PBX1: variants seen among roughly 807,000 people sequenced by gnomAD.
The protein encoded by PBX1 is PBX homeobox 1.
A neutral mutation model predicts 53.4 loss-of-function variants in PBX1; 6 were observed. That is an observed-to-expected ratio of 0.11 (90% CI 0.06 to 0.22). The LOEUF (loss-of-function observed/expected upper bound fraction) is 0.22. Ranked by LOEUF, PBX1 falls within the 10% of genes least tolerant of loss-of-function variation. The probability of loss-of-function intolerance (pLI) is 1.00; values close to 1 mark genes in which losing one functional copy is unlikely to be tolerated. For synonymous variants in PBX1, 204 were observed against 212.3 expected (o/e 0.96, Z 0.34); for missense variants, 251 against 551.4 (o/e 0.46, Z 5.46).
intron 2 of PBX1, among the ~76,000 whole-genome samples, chr1:164,763,124 G>C (rs1403549325): frequency 1.3e-5 from 2 of 152,314 alleles, no homozygotes; most frequent in South Asian, 4.1e-4. Context: ...GAATGTATTA[G>C]GATTAGGTTC....
chr1:164,834,219 T>C (rs1266141848), intron 8 of PBX1, among the ~76,000 whole-genome samples: 1 of 152,124 alleles, frequency 6.6e-6, no homozygotes, highest in Non-Finnish European at 1.5e-5. Flanking sequence ...TTGAGACTTA[T>C]TATTACTCAG....
intron 2 of PBX1, among the ~76,000 whole-genome samples, chr1:164,757,601 C>A (rs1019955685): frequency 2.6e-5 from 4 of 152,288 alleles, no homozygotes; most frequent in African/African-American, 9.6e-5. Flanking sequence ...TTTAACATGT[C>A]TAGCCAATGA....
chr1:164,618,353 G>A (rs1208640263), intron 2 of PBX1, among the ~76,000 whole-genome samples: 1 of 151,102 alleles, frequency 6.6e-6, no homozygotes, highest in Non-Finnish European at 1.5e-5. Context: ...TCCCAGGCTG[G>A]GGTAAGGGTT....
chr1:164,793,501 A>T (rs983965292), intron 3 of PBX1, among the ~76,000 whole-genome samples: 1 of 152,156 alleles, frequency 6.6e-6, no homozygotes, highest in Non-Finnish European at 1.5e-5. Flanking sequence ...CATAAAACTT[A>T]TATAAAGGAA....
At chr1:164,804,077 A>C (rs1480345284) in intron 4 of PBX1, among the ~76,000 whole-genome samples, 1 of 152,158 alleles carries the variant, frequency 6.6e-6, no homozygotes, top group African/African-American at 2.4e-5. Context: ...AAATTTTATA[A>C]TGATTAGTGA....
rs115751844 is a variant in PBX1, at chr1:164,750,096, C to A, written c.266-42398C>A. 3.8e-3 allele frequency among the ~76,000 whole-genome samples: 565 copies of A among 147,548 alleles called. 4 individuals carry two copies. The highest frequency in any genetic ancestry group is 0.014 in the African/African-American group (526 of 38,730). On this transcript the variant is annotated intron_variant, in intron 2 of 8. Transcript: ENST00000420696. ...CGGGTGACAGAGTGAGATCCTAACTCCAAAAATCGGAAGAAAAAAAAAAAG... is the reference window on the plus strand; with the variant it reads ...CGGGTGACAGAGTGAGATCCTAACTACAAAAATCGGAAGAAAAAAAAAAAG...
chr1:164,636,188 G>C (rs1245185043), intron 2 of PBX1, among the ~76,000 whole-genome samples: 1 of 151,302 alleles, frequency 6.6e-6, no homozygotes, highest in Non-Finnish European at 1.5e-5. Context: ...CTCAGTTACA[G>C]TTAGATTTTA....
At chr1:164,661,432 T>G (rs1359184365) in intron 2 of PBX1, among the ~76,000 whole-genome samples, 3 of 150,932 alleles carry the variant, frequency 2.0e-5, no homozygotes, top group Non-Finnish European at 4.4e-5. Context: ...CAGTTTTTTT[T>G]TTTTTTTTTT....
At chr1:164,748,036 A>G (rs1011576591) in intron 2 of PBX1, among the ~76,000 whole-genome samples, 3 of 152,218 alleles carry the variant, frequency 2.0e-5, no homozygotes, top group Admixed American at 6.5e-5. Context: ...GATCAAGTTT[A>G]GCCATTGTGA....
intron 2 of PBX1, among the ~76,000 whole-genome samples, chr1:164,879,188 C>G (rs1420933862): frequency 6.6e-6 from 1 of 151,634 alleles, no homozygotes; most frequent in African/African-American, 2.4e-5. Context: ...TTTAGTGGAA[C>G]AGAGGGAGAA....
chr1:164,797,599 T>C (rs1261187688), intron 3 of PBX1, among the ~76,000 whole-genome samples: 2 of 152,158 alleles, frequency 1.3e-5, no homozygotes, highest in Non-Finnish European at 2.9e-5. Context: ...GTCTTCTGTA[T>C]AGGCCCACAG....
At chr1:164,604,623 T>C (rs2101810380) in intron 2 of PBX1, among the ~76,000 whole-genome samples, 1 of 152,326 alleles carries the variant, frequency 6.6e-6, no homozygotes, top group African/African-American at 2.4e-5. Flanking sequence ...CCACTTATTA[T>C]AGCGGCATTC....
At chr1:164,822,329 G>A (rs1183747680) in intron 8 of PBX1, among the ~76,000 whole-genome samples, 1 of 152,106 alleles carries the variant, frequency 6.6e-6, no homozygotes, top group Non-Finnish European at 1.5e-5. Flanking sequence ...GGGCAGCCTG[G>A]AAAAGGAGGC....
At chr1:164,829,076 C>T (rs1670621338) in intron 8 of PBX1, 1 of 152,132 alleles carries the variant, frequency 6.6e-6, no homozygotes, top group African/African-American at 2.4e-5. Flanking sequence ...CTTCTAATTT[C>T]CAGTACCAGG....
At chr1:164,786,720 T>TGTGTGCGCGCGCGCGC (rs1357886882) in intron 2 of PBX1, among the ~76,000 whole-genome samples, 14 of 116,292 alleles carry the variant, frequency 1.2e-4, no homozygotes, top group South Asian at 1.0e-3. Flanking sequence ...TGTGTGTGTG[T>TGTGTGCGCGCGCGCGC]GCGCGCGCAC....
chr1:164,700,573 G>GAGCAGACA (rs1663060995), intron 2 of PBX1: 1 of 985,280 alleles, frequency 1.0e-6, no homozygotes, highest in Non-Finnish European at 1.2e-6. Context: ...GGGGACACGG[G>GAGCAGACA]AGCAGACAGT....
At chr1:164,868,584 G>A (rs1672275016) in intron 2 of PBX1, among the ~76,000 whole-genome samples, 1 of 152,182 alleles carries the variant, frequency 6.6e-6, no homozygotes, top group African/African-American at 2.4e-5. Context: ...ATTTTGGCTT[G>A]GAAATGCCTG....
chr1:164,767,648 T>C (rs550400690), intron 2 of PBX1, among the ~76,000 whole-genome samples: 4 of 146,698 alleles, frequency 2.7e-5, no homozygotes, highest in Admixed American at 6.8e-5. Flanking sequence ...AGTACAAACA[T>C]CAAAAAAAGA....
intron 2 of PBX1, among the ~76,000 whole-genome samples, chr1:164,718,109 C>T (rs1483549276): frequency 1.3e-5 from 2 of 152,166 alleles, no homozygotes; most frequent in Non-Finnish European, 2.9e-5. Flanking sequence ...GAAGTCAGAT[C>T]CAAGTCTGAT....
Sources: gnomAD v4.1 joint callset for allele counts (sites outside exome capture counted in the v4.1 genomes callset) on GRCh38, gnomAD v4.1.1 for gene constraint, MANE v1.5 for transcripts, NCBI Gene and HGNC (gene_info 2026-07-23, HGNC 2026-07-21) for gene names.